Variants in KCNQ1 observed in about 807,000 individuals in gnomAD.
The protein encoded by KCNQ1 is potassium voltage-gated channel subfamily Q member 1.
In KCNQ1, 49 loss-of-function variants were observed where a neutral mutation model predicts 72.4. The ratio of observed to expected loss-of-function variants is 0.68; its 90% CI spans 0.54 to 0.86. KCNQ1 has a LOEUF of 0.86. Ranked by LOEUF, KCNQ1 falls within the 40% of genes least tolerant of loss-of-function variation. The pLI is 0.00. For synonymous variants in KCNQ1, 450 were observed against 412.6 expected, an observed-to-expected ratio of 1.09 and a Z score of -1.10; for missense variants, 790 against 945.1, an observed-to-expected ratio of 0.84 and a Z score of 2.15.
rs1847266972 is a variant in KCNQ1 at position 2,515,102 on chromosome 11, G to C, written c.387-12826G>C. Among the ~76,000 whole-genome samples the C allele has an allele frequency of 6.6e-6, 1 of 152,136 alleles. No individual in the cohort carries two copies. Among genetic ancestry groups the C allele is most frequent in the African/African-American group, 2.4e-5 (1 of 41,430 alleles). On this transcript the variant is annotated intron_variant, in intron 1 of 15. Transcript: ENST00000155840. The surrounding 1 kb of genome is among the most constrained non-coding windows in gnomAD (Gnocchi z 4.7). ...TTACGTGCGTAATGGTGGGGTTTGG[G>C]CTTCTCGTGCGCCCATCAGCCGGAT... is the stretch of plus-strand genomic sequence containing the variant.
Position 2,621,226 on chromosome 11 carries a change from C to CTGT in KCNQ1, c.1393+32372_1393+32373insTGT, listed in dbSNP as rs1849166853. The CTGT allele has an allele frequency of 1.8e-5, 7 of 397,888 alleles. No individual in the cohort carries two copies. The highest frequency in any genetic ancestry group is 4.4e-5 in the Admixed American group (1 of 22,708). The allele number at this position is 397,888 out of a possible 1,614,324, so 24.6% of individuals were successfully genotyped here. On this transcript the variant is annotated intron_variant, in intron 10 of 15. Transcript: ENST00000155840. This position sits in a 1 kb window ranked among gnomAD's most constrained non-coding sequence, Gnocchi z 5.7. Reference sequence around the variant, plus strand: ...TACCTGACCCCAGATGATCCACGCACCTCAGCCTCCCAAAGTGCTAGGACT... The same window carrying CTGT: ...TACCTGACCCCAGATGATCCACGCACTGTCTCAGCCTCCCAAAGTGCTAGGACT...
rs150393352 is a variant in KCNQ1 at position 2,704,006 on chromosome 11, A to G, written c.1514+41925A>G. ...TGGGGGTGGTTAGGACCTCAGGGTT[A>G]TCCCTGAGTGGCTGATGCATTGCCA... On this transcript the variant is annotated intron_variant, in intron 11 of 15. Coordinates refer to ENST00000155840, the MANE Select transcript of KCNQ1 (RefSeq NM_000218.3). This position sits in a 1 kb window ranked among gnomAD's most constrained non-coding sequence, Gnocchi z 4.3. Among the ~76,000 whole-genome samples, 93 of 152,356 alleles carry G rather than the reference A, an allele frequency of 6.1e-4. 1 individual carries two copies. In the East Asian group the frequency reaches 0.017, roughly 28 times the overall value.
chr11:2,576,595 C>T (rs952620083), intron 6 of KCNQ1, among the ~76,000 whole-genome samples: 10 of 152,342 alleles, frequency 6.6e-5, no homozygotes, highest in South Asian at 4.1e-4. Context: ...ACATTTCAGC[C>T]GCCTTTTGAA....
At position 2,571,362 on chromosome 11, in the gene KCNQ1, C is replaced by T. The variant is rs775479779; in HGVS notation, c.642C>T (p.Cys214=). 3.5e-5 allele frequency: 57 copies of T among 1,613,092 alleles called. No individual in the cohort carries two copies. Among genetic ancestry groups the T allele is most frequent in the East Asian group, 6.7e-5 (3 of 44,862 alleles). Residue 214 remains cysteine (C), a synonymous_variant, in exon 4 of 16, where the codon TGC becomes TGT. Coordinates refer to ENST00000155840, the MANE Select transcript of KCNQ1 (RefSeq NM_000218.3). ...IVVVASMVVL[C]VGSKGQVFAT... ...TCGTGGCCTCCATGGTGGTCCTCTG[C>T]GTGGGCTCCAAGGGGCAGGTGTTTG...
chr11:2,743,287 T>C (rs1846086848), intron 11 of KCNQ1, among the ~76,000 whole-genome samples: 2 of 152,108 alleles, frequency 1.3e-5, no homozygotes, highest in South Asian at 4.2e-4. Flanking sequence ...CTCCAGAAGG[T>C]GGGGTCTGAG....
Position 2,654,590 on chromosome 11 carries a change from G to C in KCNQ1, c.1394-7371G>C, listed in dbSNP as rs372321705. On this transcript the variant is annotated intron_variant, in intron 10 of 15. Transcript: ENST00000155840. This position sits in a 1 kb window ranked among gnomAD's most constrained non-coding sequence, Gnocchi z 6.4. ...TAATCAATCAGGAGGGGAAGGGCAG[G>C]GGGTGAGTGGTTGGGTGAAGTTACT... The C allele has an allele frequency of 2.5e-6, 1 of 398,812 alleles. No individual in the cohort carries two copies. The highest frequency in any genetic ancestry group is 2.1e-5 in the African/African-American group (1 of 48,732). 24.7% of individuals were successfully genotyped at this position (398,812 alleles called of 1,614,324 possible). A position where few individuals can be genotyped will look rare whatever the true frequency, so the allele number is the denominator to read the frequency against.
At chr11:2,629,019 T>C (rs1421748801) in intron 10 of KCNQ1, 3 of 398,238 alleles carry the variant, frequency 7.5e-6, no homozygotes, top group African/African-American at 2.1e-5. Flanking sequence ...AAAATAAGCA[T>C]GTGTAATATC....
In KCNQ1 at chr11:2,663,470, T is replaced by C. The variant is rs750581016; in HGVS notation, c.1514+1389T>C. 5 of 398,702 alleles carry C rather than the reference T, an allele frequency of 1.3e-5. No homozygotes were observed. Among genetic ancestry groups the C allele is most frequent in the Non-Finnish European group, 1.8e-5 (4 of 226,118 alleles). 24.7% of individuals were successfully genotyped at this position (398,702 alleles called of 1,614,324 possible). ...TCCAAAGTGATCAGTGTTAGTTTAG[T>C]GGCTCATGTTGTGTGCAATACAGGT... On this transcript the variant is annotated intron_variant, in intron 11 of 15. Coordinates refer to ENST00000155840, the MANE Select transcript of KCNQ1 (RefSeq NM_000218.3). The surrounding 1 kb of genome is among the most constrained non-coding windows in gnomAD (Gnocchi z 5.2).
Position 2,497,102 on chromosome 11 carries a change from G to A in KCNQ1, c.387-30826G>A, listed in dbSNP as rs1000903641. The stretch of plus-strand genomic sequence containing the variant: ...TCTCTCTGGCTGCCCTTAACGTTTT[G>A]TCCTTCATTTAAACCTTGGAGAATC... On this transcript the variant is annotated intron_variant, in intron 1 of 15. Transcript: ENST00000155840. The surrounding 1 kb of genome is among the most constrained non-coding windows in gnomAD (Gnocchi z 4.5). Among the ~76,000 whole-genome samples the A allele has an allele frequency of 6.6e-6, 1 of 152,036 alleles. No homozygotes were observed. Among genetic ancestry groups the A allele is most frequent in the Non-Finnish European group, 1.5e-5 (1 of 68,002 alleles).
At chr11:2,696,761 A>G (rs1850683364) in intron 11 of KCNQ1, 4 of 398,476 alleles carry the variant, frequency 1.0e-5, no homozygotes, top group Middle Eastern at 6.2e-4. Context: ...TTTTTCCATA[A>G]AAGTCGTCGT....
At position 2,698,411 on chromosome 11, in the gene KCNQ1, T is replaced by C; in HGVS notation, c.1514+36330T>C. On this transcript the variant is annotated intron_variant, in intron 11 of 15. Transcript: ENST00000155840. The surrounding 1 kb of genome is among the most constrained non-coding windows in gnomAD (Gnocchi z 5.1). ...GTGGGGTACTGGGATCTGAACATAG[T>C]GGTGGCCCTTCAAGCCTACTACCCA... is the stretch of plus-strand genomic sequence containing the variant. 5.1e-6 allele frequency: 2 copies of C among 395,620 alleles called. No individual in the cohort carries two copies. Among genetic ancestry groups the C allele is most frequent in the Non-Finnish European group, 8.9e-6 (2 of 225,590 alleles). 24.5% of individuals were successfully genotyped at this position (395,620 alleles called of 1,614,324 possible).
chr11:2,701,831 A>G (rs1443396757), intron 11 of KCNQ1, among the ~76,000 whole-genome samples: 1 of 151,900 alleles, frequency 6.6e-6, no homozygotes, highest in Non-Finnish European at 1.5e-5. Flanking sequence ...TGGAGTCCTG[A>G]CCCTGGCCTG....
chr11:2,530,781 G>T (rs1273376538), intron 2 of KCNQ1, among the ~76,000 whole-genome samples: 1 of 152,200 alleles, frequency 6.6e-6, no homozygotes, highest in African/African-American at 2.4e-5. Context: ...GCGCCTGTGA[G>T]CATGTATTGT....
intron 12 of KCNQ1, among the ~76,000 whole-genome samples, chr11:2,773,622 T>A (rs1846638932): frequency 6.6e-6 from 1 of 151,516 alleles, no homozygotes; most frequent in Non-Finnish European, 1.5e-5. Flanking sequence ...CAGCATCCCA[T>A]CTTACAGAAA....
rs1848812552 is a variant in KCNQ1, at chr11:2,601,822, C to T, written c.1393+12968C>T. On this transcript the variant is annotated intron_variant, in intron 10 of 15. Transcript: ENST00000155840. This position sits in a 1 kb window ranked among gnomAD's most constrained non-coding sequence, Gnocchi z 5.2. ...CAGTTTATTTAACCATTCCCTCATC[C>T]AAGGACATGTGGGTCATTCCCAGTT... Among the ~76,000 whole-genome samples the T allele has an allele frequency of 6.6e-6, 1 of 152,152 alleles. No homozygotes were observed. Among genetic ancestry groups the T allele is most frequent in the African/African-American group, 2.4e-5 (1 of 41,420 alleles).
At chr11:2,502,618 A>G (rs1266219295) in intron 1 of KCNQ1, among the ~76,000 whole-genome samples, 1 of 152,234 alleles carries the variant, frequency 6.6e-6, no homozygotes, top group Non-Finnish European at 1.5e-5. Flanking sequence ...GTCTAAAGCA[A>G]TCTACAGATT....
rs928528115 is a variant in KCNQ1 at position 2,691,640 on chromosome 11, T to C, written c.1514+29559T>C. The C allele has an allele frequency of 5.0e-6, 2 of 398,424 alleles. No homozygotes were observed. Among genetic ancestry groups the C allele is most frequent in the African/African-American group, 4.1e-5 (2 of 48,596 alleles). The allele number at this position is 398,424 out of a possible 1,614,324, so 24.7% of individuals were successfully genotyped here. A position where few individuals can be genotyped will look rare whatever the true frequency, so the allele number is the denominator to read the frequency against. Reference sequence around the variant, plus strand: ...GCACGTACTGTGGGGAGGTCCTCTTTACCGCCACAGTTCCAAGGGTGAAAC... The same window carrying C: ...GCACGTACTGTGGGGAGGTCCTCTTCACCGCCACAGTTCCAAGGGTGAAAC... On this transcript the variant is annotated intron_variant, in intron 11 of 15. Transcript: ENST00000155840. The surrounding 1 kb of genome is among the most constrained non-coding windows in gnomAD (Gnocchi z 6.4).
intron 15 of KCNQ1, among the ~76,000 whole-genome samples, chr11:2,799,869 T>A (rs1847223990): frequency 6.6e-6 from 1 of 152,082 alleles, no homozygotes. Flanking sequence ...AGGGTGTGTG[T>A]TTTCGGTGCC....
At chr11:2,524,330 G>A (rs1010173) in intron 1 of KCNQ1, among the ~76,000 whole-genome samples, 71,120 of 152,074 alleles carry the variant, frequency 0.47, 18,642 homozygotes, top group Non-Finnish European at 0.6. Flanking sequence ...CAGCCATGCC[G>A]GGTCAGGGAA....
Sources: gnomAD v4.1 joint callset for allele counts (sites outside exome capture counted in the v4.1 genomes callset) on GRCh38, gnomAD v4.1.1 for gene constraint, Gnocchi (gnomAD v3.1) non-coding constraint, MANE v1.5 for transcripts, NCBI Gene and HGNC (gene_info 2026-07-23, HGNC 2026-07-21) for gene names.